Variants in IMPA2 observed in about 807,000 individuals in gnomAD.
The protein encoded by IMPA2 is inositol monophosphatase 2.
IMPA2 carries 32 observed loss-of-function variants against 35.1 expected under a neutral mutation model. That is an observed-to-expected ratio of 0.91 (90% CI 0.69 to 1.23). IMPA2 has a LOEUF of 1.23. IMPA2 is among the 50% of genes most tolerant of loss of function. IMPA2 has a pLI of 0.00. For synonymous variants in IMPA2, 135 were observed against 160.6 expected, an observed-to-expected ratio of 0.84 and a Z score of 1.20; for missense variants, 334 against 387.6, an observed-to-expected ratio of 0.86 and a Z score of 1.16.
chr18:11,994,611 A>C (rs1000277016), intron 1 of IMPA2, among the ~76,000 whole-genome samples: 1 of 152,236 alleles, frequency 6.6e-6, no homozygotes, highest in South Asian at 2.1e-4. Context: ...ATAAGGTGAC[A>C]CAAAAGGACA....
chr18:12,028,983 A>G lies in IMPA2; in HGVS notation c.741A>G (p.Ile247Met). Residue 247 changes from isoleucine to methionine, a missense_variant, in exon 7 of 8, where the codon ATA (isoleucine) becomes ATG (methionine). Ile to Met is a conservative substitution (Grantham distance 10, BLOSUM62 1). Coordinates refer to ENST00000269159, the MANE Select transcript of IMPA2 (RefSeq NM_014214.3). The stretch of plus-strand genomic sequence containing the variant: ...TCAGAGAAGCAGGCGGCATCGTGAT[A>G]GACACTTCGGGTGAGCTCTCCTGTC... ...VIIREAGGIV[I>M]DTSGGPLDLM... The G allele has an allele frequency of 6.2e-7, 1 of 1,613,372 alleles. No homozygotes were observed. The highest frequency in any genetic ancestry group is 8.5e-7 in the Non-Finnish European group (1 of 1,179,952).
At chr18:11,989,053 A>G (rs1019504942) in intron 1 of IMPA2, among the ~76,000 whole-genome samples, 1 of 152,128 alleles carries the variant, frequency 6.6e-6, no homozygotes, top group African/African-American at 2.4e-5. Context: ...ATTTGCACCC[A>G]AGCTGACGGC....
At position 12,010,888 on chromosome 18, in the gene IMPA2, G is replaced by C. The variant is rs145944631; in HGVS notation, c.335+901G>C. On this transcript the variant is annotated intron_variant, in intron 3 of 7. Transcript: ENST00000269159. The surrounding 1 kb of genome is among the most constrained non-coding windows in gnomAD (Gnocchi z 4.8). ...CTAGGTGAGTTGCCTCGAGAATTCAGTTGTGCCTACATAAGGTGACCCTTT... is the reference window on the plus strand; with the variant it reads ...CTAGGTGAGTTGCCTCGAGAATTCACTTGTGCCTACATAAGGTGACCCTTT... Among the ~76,000 whole-genome samples, 3 of 152,316 alleles carry C rather than the reference G, an allele frequency of 2.0e-5. No individual in the cohort carries two copies. Among genetic ancestry groups the C allele is most frequent in the African/African-American group, 7.2e-5 (3 of 41,580 alleles).
At chr18:11,997,457 A>G (rs1906992181) in intron 1 of IMPA2, among the ~76,000 whole-genome samples, 1 of 152,008 alleles carries the variant, frequency 6.6e-6, no homozygotes, top group Non-Finnish European at 1.5e-5. Context: ...GACCTATCAC[A>G]TTCTGAATTT....
chr18:12,024,673 T>TG (rs1405094334), intron 5 of IMPA2, among the ~76,000 whole-genome samples: 4 of 152,044 alleles, frequency 2.6e-5, no homozygotes, highest in African/African-American at 9.7e-5. Context: ...CCCATTTTTT[T>TG]CTTTTCTCCT....
Position 11,991,905 on chromosome 18 carries a change from G to C in IMPA2, c.97-7149G>C, listed in dbSNP as rs1239454978. Among the ~76,000 whole-genome samples, 1 of 151,728 alleles carries C rather than the reference G, an allele frequency of 6.6e-6. No homozygotes were observed. Among genetic ancestry groups the C allele is most frequent in the East Asian group, 1.9e-4 (1 of 5,176 alleles). ...GTCTCCCAGGATGGAGTGCAGTGGC[G>C]TAATCTTGGCTCACCGCAACCTCCA... On this transcript the variant is annotated intron_variant, in intron 1 of 7. Transcript: ENST00000269159. This position sits in a 1 kb window ranked among gnomAD's most constrained non-coding sequence, Gnocchi z 4.1.
intron 1 of IMPA2, among the ~76,000 whole-genome samples, chr18:11,984,826 G>T (rs1906611968): frequency 6.6e-6 from 1 of 151,296 alleles, no homozygotes; most frequent in Non-Finnish European, 1.5e-5. Context: ...AAATTAGCCG[G>T]GCGTGGTGGC....
chr18:11,981,929 CCT>C (rs757452627), intron 1 of IMPA2, among the ~76,000 whole-genome samples, 164 bp downstream of exon 1: 1 of 151,992 alleles, frequency 6.6e-6, no homozygotes, highest in Non-Finnish European at 1.5e-5. Context: ...GTGCTGGTGT[CCT>C]GGACACACCT....
chr18:12,008,365 G>C (rs778472890), intron 2 of IMPA2: 1 of 518,956 alleles, frequency 1.9e-6, no homozygotes, highest in Admixed American at 1.9e-5. Context: ...ATGTGAACCC[G>C]GCACAGGAAC....
At chr18:11,992,982 T>C (rs147715240) in intron 1 of IMPA2, among the ~76,000 whole-genome samples, 2 of 152,262 alleles carry the variant, frequency 1.3e-5, no homozygotes, top group South Asian at 4.1e-4. Flanking sequence ...ATTTGCAACG[T>C]GTACATTGTA....
intron 1 of IMPA2, among the ~76,000 whole-genome samples, chr18:11,985,147 C>CAAAAAA: frequency 1.2e-5 from 1 of 80,554 alleles, no homozygotes; most frequent in Non-Finnish European, 2.7e-5. Context: ...AACTCTGTCT[C>CAAAAAA]AAAAAAAAAA....
chr18:12,016,169 G>A (rs779674575), intron 5 of IMPA2, among the ~76,000 whole-genome samples: 5 of 152,152 alleles, frequency 3.3e-5, no homozygotes, highest in Non-Finnish European at 7.3e-5. Context: ...CATTTGTCTG[G>A]TATTCTTCTG....
rs1783728330 is a variant in IMPA2 at position 12,010,604 on chromosome 18, C to G, written c.335+617C>G. ...GCTGCCTGTCTACACGCACAGGTGG[C>G]TGGGGGCCTGGGGCACAGAGCATGA... is the stretch of plus-strand genomic sequence containing the variant. On this transcript the variant is annotated intron_variant, in intron 3 of 7. Transcript: ENST00000269159. This position sits in a 1 kb window ranked among gnomAD's most constrained non-coding sequence, Gnocchi z 4.8. 6.6e-6 allele frequency among the ~76,000 whole-genome samples: 1 copy of G among 152,160 alleles called. No individual in the cohort carries two copies. The highest frequency in any genetic ancestry group is 1.5e-5 in the Non-Finnish European group (1 of 68,020).
chr18:11,991,869 A>G lies in IMPA2; in HGVS notation c.97-7185A>G, dbSNP rs1371086254. ...CAATTTTTTTTTTTTTTTGAGATGG[A>G]GCCTTGCTCTGTCTCCCAGGATGGA... On this transcript the variant is annotated intron_variant, in intron 1 of 7. Transcript: ENST00000269159. The surrounding 1 kb of genome is among the most constrained non-coding windows in gnomAD (Gnocchi z 4.1). Among the ~76,000 whole-genome samples the G allele has an allele frequency of 1.7e-3, 240 of 144,778 alleles. No homozygotes were observed. The highest frequency in any genetic ancestry group is 6.1e-3 in the African/African-American group (233 of 38,390). The allele number at this position is 144,778 out of a possible 152,430, so 95.0% of individuals were successfully genotyped here.
At chr18:12,025,131 G>A (rs542120574) in intron 5 of IMPA2, among the ~76,000 whole-genome samples, 87 of 152,170 alleles carry the variant, frequency 5.7e-4, no homozygotes, top group African/African-American at 1.7e-3. Flanking sequence ...GGAATCATAC[G>A]GTGTGTAGCT....
At chr18:11,988,196 G>A (rs1022632105) in intron 1 of IMPA2, among the ~76,000 whole-genome samples, 3 of 151,822 alleles carry the variant, frequency 2.0e-5, no homozygotes, top group Non-Finnish European at 4.4e-5. Context: ...AGTAGAGATG[G>A]GGTTTCACCA....
intron 1 of IMPA2, 26 bp downstream of exon 1, chr18:11,981,791 G>A (rs961999254): frequency 2.5e-5 from 31 of 1,216,424 alleles, no homozygotes; most frequent in Non-Finnish European, 3.0e-5. Flanking sequence ...GGGCTCGGAA[G>A]TCCGGGCGGA....
chr18:12,029,937 C>A (rs1184589708), intron 7 of IMPA2, among the ~76,000 whole-genome samples: 4 of 152,240 alleles, frequency 2.6e-5, no homozygotes, highest in Non-Finnish European at 1.5e-5. Flanking sequence ...AGCCTCAGCC[C>A]CACCCAGACC....
intron 1 of IMPA2, among the ~76,000 whole-genome samples, chr18:11,984,016 ACT>A (rs1429344906): frequency 1.3e-5 from 2 of 151,414 alleles, no homozygotes; most frequent in Non-Finnish European, 2.9e-5. Context: ...GCATTCTACC[ACT>A]CTGTTGTTCG....
Sources: gnomAD v4.1 joint callset for allele counts (sites outside exome capture counted in the v4.1 genomes callset) on GRCh38, gnomAD v4.1.1 for gene constraint, Gnocchi (gnomAD v3.1) non-coding constraint, MANE v1.5 for transcripts, NCBI Gene and HGNC (gene_info 2026-07-23, HGNC 2026-07-21) for gene names.